The following KCNT1 variants were observed in gnomAD, a reference collection of about 807,000 sequenced individuals.
The protein encoded by KCNT1 is potassium sodium-activated channel subfamily T member 1.
A neutral mutation model predicts 147.8 loss-of-function variants in KCNT1; 78 were observed. The observed-to-expected ratio is 0.53, with a 90% confidence interval of 0.44 to 0.64. KCNT1 has a LOEUF of 0.64. Ranked by LOEUF, KCNT1 falls within the 30% of genes least tolerant of loss-of-function variation. The pLI is 0.00. For missense variants in KCNT1, 1,419 were observed against 1,750.3 expected (o/e 0.81, Z 3.38); for synonymous variants, 867 against 748.8 (o/e 1.16, Z -2.58).
At position 135,727,690 on chromosome 9, in the gene KCNT1, G is replaced by A. The variant is rs553129978; in HGVS notation, c.254+12970G>A. Among the ~76,000 whole-genome samples the A allele has an allele frequency of 7.9e-5, 12 of 152,320 alleles. 1 individual carries two copies. The highest frequency in any genetic ancestry group is 6.5e-4 in the Admixed American group (10 of 15,304). On this transcript the variant is annotated intron_variant, in intron 2 of 30. Coordinates refer to ENST00000371757, the MANE Select transcript of KCNT1 (RefSeq NM_020822.3). ...CATGCCAAAGGCCACTCTGCATCCC[G>A]GCCCCCAGCCCCTGGGTACTGCTCC...
rs542198231 is a variant in KCNT1 at position 135,705,577 on chromosome 9, G to A, written c.110+3209G>A. ...AAGGCAGGCTGGGCTCAGCGTGCCC[G>A]TGCTAGGTGGCTGGGTGCCAAGGCC... On this transcript the variant is annotated intron_variant, in intron 1 of 30. Coordinates refer to ENST00000371757, the MANE Select transcript of KCNT1 (RefSeq NM_020822.3). 5.3e-5 allele frequency among the ~76,000 whole-genome samples: 8 copies of A among 152,338 alleles called. No individual in the cohort carries two copies. The South Asian group carries it at 8.3e-4, about 16-fold the overall frequency.
At position 135,770,506 on chromosome 9, in the gene KCNT1, C is replaced by A; in HGVS notation, c.1769+59C>A. The A allele has an allele frequency of 1.9e-6, 3 of 1,542,244 alleles. No homozygotes were observed. The Admixed American group carries it at 5.7e-5, about 29-fold the overall frequency. On this transcript the variant is annotated intron_variant, in intron 17 of 30. Coordinates refer to ENST00000371757, the MANE Select transcript of KCNT1 (RefSeq NM_020822.3). ...CCAGGGCTGCTCTGCTCTGTGCCCTCCCCACCCTCCCGGTCAGGCACAGGG... is the reference window on the plus strand; with the variant it reads ...CCAGGGCTGCTCTGCTCTGTGCCCTACCCACCCTCCCGGTCAGGCACAGGG...
chr9:135,775,287 A>C (rs778952813), intron 19 of KCNT1, 23 bp from the exon 20 acceptor site: 1 of 1,577,624 alleles, frequency 6.3e-7, no homozygotes, highest in South Asian at 1.2e-5. Context: ...AGCTGTGCTG[A>C]GGGCTCCTGT....
chr9:135,791,749 A>AGGGGC (rs1834546830), intron 29 of KCNT1, 48 bp from the exon 30 acceptor site: 1 of 1,525,812 alleles, frequency 6.6e-7, no homozygotes, highest in Non-Finnish European at 9.1e-7. Flanking sequence ...CAGAGCTGGG[A>AGGGGC]GGGGCAGGGC....
chr9:135,732,127 T>G (rs1830130407), intron 2 of KCNT1, among the ~76,000 whole-genome samples: 1 of 150,804 alleles, frequency 6.6e-6, no homozygotes, highest in African/African-American at 2.4e-5. Context: ...TTCGAGATTC[T>G]CCTGCCTCAG....
intron 6 of KCNT1, 116 bp downstream of exon 6, chr9:135,755,285 A>T: frequency 1.3e-6 from 1 of 767,962 alleles, no homozygotes; most frequent in Non-Finnish European, 2.0e-6. Flanking sequence ...GGACATACCC[A>T]GTCTCAGTAA....
chr9:135,752,796 G>A lies in KCNT1; in HGVS notation c.435-1141G>A, dbSNP rs892944447. On this transcript the variant is annotated intron_variant, in intron 4 of 30. Transcript: ENST00000371757. This position sits in a 1 kb window ranked among gnomAD's most constrained non-coding sequence, Gnocchi z 5.1. ...ATGGGTGGATGATGGATGGATGGAT[G>A]GATGGATGATGCGTGGATGGGTGGA... Among the ~76,000 whole-genome samples, 12 of 151,106 alleles carry A rather than the reference G, an allele frequency of 7.9e-5. No homozygotes were observed. The East Asian group carries it at 2.2e-3, about 27-fold the overall frequency.
chr9:135,777,281 G>A (rs1833235852), intron 20 of KCNT1, 57 bp from the exon 21 acceptor site: 1 of 1,566,416 alleles, frequency 6.4e-7, no homozygotes, highest in Non-Finnish European at 8.7e-7. Context: ...GAGGGCTCCA[G>A]TGGCCAGCAG....
intron 10 of KCNT1, 130 bp from the exon 11 acceptor site, chr9:135,759,549 G>A (rs1014107356): frequency 3.3e-5 from 31 of 952,252 alleles, no homozygotes; most frequent in South Asian, 8.9e-5. Flanking sequence ...TCAGGAGGGC[G>A]GGGCTCGCCT....
chr9:135,708,076 G>A (rs1379850646), intron 1 of KCNT1, among the ~76,000 whole-genome samples: 1 of 152,210 alleles, frequency 6.6e-6, no homozygotes, highest in Non-Finnish European at 1.5e-5. Context: ...CAGCAGAGAG[G>A]TTCTGCAGCT....
rs551165255 is a variant in KCNT1 at position 135,712,638 on chromosome 9, G to GGACA, written c.111-1939_111-1938insGACA. Among the ~76,000 whole-genome samples, 225 of 152,302 alleles carry GGACA rather than the reference G, an allele frequency of 1.5e-3. 1 individual carries two copies. The highest frequency in any genetic ancestry group is 2.5e-3 in the Non-Finnish European group (167 of 68,030). On this transcript the variant is annotated intron_variant, in intron 1 of 30. Transcript: ENST00000371757. ...CCAGACCCCGAGGACACGGGGAGCA[G>GGACA]CTGTTTTGCTGCTGTCCTCCTGCGA...
intron 4 of KCNT1, among the ~76,000 whole-genome samples, chr9:135,751,836 G>C (rs915354139): frequency 6.6e-6 from 1 of 152,156 alleles, no homozygotes; most frequent in Non-Finnish European, 1.5e-5. Flanking sequence ...CTCGGATGCT[G>C]TGCTCTGTGT....
rs928139399 is a variant in KCNT1, at chr9:135,792,985, G to C, written c.*824G>C. On this transcript the variant is annotated 3_prime_UTR_variant, in exon 31 of 31. Coordinates refer to ENST00000371757, the MANE Select transcript of KCNT1 (RefSeq NM_020822.3). ...TGAAGCACAATTCAGCCTCCGGGCT[G>C]GGCCACGTGGAGAGAGAGGATCTTC... 3 of 152,224 alleles carry C rather than the reference G, an allele frequency of 2.0e-5. No homozygotes were observed. The highest frequency in any genetic ancestry group is 7.2e-5 in the African/African-American group (3 of 41,442). 9.4% of individuals were successfully genotyped at this position (152,224 alleles called of 1,614,324 possible).
intron 29 of KCNT1, chr9:135,788,094 C>T (rs1224420150): frequency 1.2e-6 from 2 of 1,602,962 alleles, no homozygotes; most frequent in African/African-American, 1.3e-5. Flanking sequence ...TCTGTGTGTT[C>T]TGTAGAGGAC....
At chr9:135,772,227 C>A (rs1337700948) in intron 18 of KCNT1, among the ~76,000 whole-genome samples, 2 of 152,228 alleles carry the variant, frequency 1.3e-5, no homozygotes, top group Non-Finnish European at 2.9e-5. Context: ...GCAACCCTCA[C>A]TGTACCCACA....
At chr9:135,759,653 C>A (rs1441331358) in intron 10 of KCNT1, 26 bp from the exon 11 acceptor site, 2 of 1,575,136 alleles carry the variant, frequency 1.3e-6, no homozygotes, top group Middle Eastern at 1.7e-4. Context: ...GGGCCCCAGG[C>A]CGCCCCTCAC....
chr9:135,725,797 C>T (rs1042766866), intron 2 of KCNT1, among the ~76,000 whole-genome samples: 1 of 152,194 alleles, frequency 6.6e-6, no homozygotes, highest in African/African-American at 2.4e-5. Flanking sequence ...AGCACAGCCC[C>T]GTCCTTTTGC....
At chr9:135,748,502 C>T (rs955426632) in intron 2 of KCNT1, among the ~76,000 whole-genome samples, 3 of 152,246 alleles carry the variant, frequency 2.0e-5, no homozygotes, top group African/African-American at 4.8e-5. Context: ...GGAGCCAGTG[C>T]CTGCTCAGAG....
intron 2 of KCNT1, among the ~76,000 whole-genome samples, chr9:135,747,480 C>CT (rs1256889376): frequency 2.0e-5 from 3 of 152,116 alleles, no homozygotes; most frequent in Non-Finnish European, 4.4e-5. Context: ...TCAGCCCTGC[C>CT]TGCCCCCCTG....
Sources: gnomAD v4.1 joint callset for allele counts (sites outside exome capture counted in the v4.1 genomes callset) on GRCh38, gnomAD v4.1.1 for gene constraint, Gnocchi (gnomAD v3.1) non-coding constraint, MANE v1.5 for transcripts, NCBI Gene and HGNC (gene_info 2026-07-23, HGNC 2026-07-21) for gene names.